The following SAMD5 variants were observed in gnomAD, a reference collection of about 807,000 sequenced individuals.
SAMD5 encodes the protein sterile alpha motif domain containing 5, also known as sterile alpha motif domain-containing protein 5.
SAMD5 carries 13 observed loss-of-function variants against 11.3 expected under a neutral mutation model. That is an observed-to-expected ratio of 1.15 (90% confidence interval 0.75 to 1.83). SAMD5 has a LOEUF of 1.83. Among genes scored for constraint, SAMD5 ranks in the 40% most tolerant of loss-of-function variants. SAMD5 has a pLI of 0.00. For synonymous variants in SAMD5, 129 were observed against 111.3 expected (o/e 1.16, Z -1.00); for missense variants, 255 against 239.1 (o/e 1.07, Z -0.44).
intron 1 of SAMD5, among the ~76,000 whole-genome samples, chr6:147,540,784 G>C (rs1013976281): frequency 4.0e-5 from 6 of 151,774 alleles, no homozygotes; most frequent in East Asian, 1.9e-4. Context: ...AGAGGGGGGG[G>C]GTCCAGAAAC....
At chr6:147,767,790 G>T in the SAMD5 span, among the ~76,000 whole-genome samples, 1 of 152,186 alleles carries the variant, frequency 6.6e-6, no homozygotes, top group South Asian at 2.1e-4. Context: ...GTGTGCTAAT[G>T]CATGAGGGGT....
the SAMD5 span, among the ~76,000 whole-genome samples, chr6:147,838,539 C>A: frequency 3.4e-5 from 5 of 145,436 alleles, no homozygotes; most frequent in South Asian, 2.3e-4. Context: ...CTGCCCCCCC[C>A]CCGTAGTTAT....
the SAMD5 span, among the ~76,000 whole-genome samples, chr6:147,931,874 T>C: frequency 3.3e-5 from 5 of 152,202 alleles, no homozygotes; most frequent in African/African-American, 1.2e-4. Flanking sequence ...GCTGTAGTGA[T>C]ATATTGCATA....
At chr6:147,816,783 G>A in the SAMD5 span, among the ~76,000 whole-genome samples, 1 of 152,164 alleles carries the variant, frequency 6.6e-6, no homozygotes, top group Non-Finnish European at 1.5e-5. Flanking sequence ...CTCCTAAGAT[G>A]AGGCTGGCTT....
At chr6:147,757,548 T>C in the SAMD5 span, among the ~76,000 whole-genome samples, 12 of 152,318 alleles carry the variant, frequency 7.9e-5, no homozygotes, top group African/African-American at 2.9e-4. Flanking sequence ...CCAAAAGTCA[T>C]TTATACATTT....
At chr6:147,592,214 G>C (rs1203260609) in intron 1 of SAMD5, among the ~76,000 whole-genome samples, 1 of 152,084 alleles carries the variant, frequency 6.6e-6, no homozygotes, top group South Asian at 2.1e-4. Context: ...GTCTCCAACT[G>C]CTAGGCTCCA....
intron 1 of SAMD5, among the ~76,000 whole-genome samples, chr6:147,687,763 T>A (rs932168343): frequency 5.3e-5 from 8 of 152,222 alleles, no homozygotes; most frequent in African/African-American, 1.9e-4. Flanking sequence ...TTTGAAGATG[T>A]AATTGAGTTG....
intron 1 of SAMD5, among the ~76,000 whole-genome samples, chr6:147,602,041 A>G (rs1428307377): frequency 6.6e-6 from 1 of 152,188 alleles, no homozygotes; most frequent in Non-Finnish European, 1.5e-5. Context: ...GCTCACATCA[A>G]ATTGCAGCAA....
At chr6:147,671,592 A>G (rs1194877305) in intron 1 of SAMD5, among the ~76,000 whole-genome samples, 1 of 152,160 alleles carries the variant, frequency 6.6e-6, no homozygotes, top group Non-Finnish European at 1.5e-5. Context: ...GCATAAGAGA[A>G]CATTGTTTCC....
intron 1 of SAMD5, among the ~76,000 whole-genome samples, chr6:147,722,272 G>A (rs900198281): frequency 6.6e-6 from 1 of 151,752 alleles, no homozygotes; most frequent in African/African-American, 2.4e-5. Flanking sequence ...GTATATAGTC[G>A]ATTTGTGTTT....
chr6:147,572,869 T>G (rs773411408), downstream of SAMD5, among the ~76,000 whole-genome samples: 1 of 152,182 alleles, frequency 6.6e-6, no homozygotes, highest in Non-Finnish European at 1.5e-5. Context: ...ATATTTGATA[T>G]AAATTTGTGA....
chr6:147,627,003 A>G (rs955987848), intron 1 of SAMD5, among the ~76,000 whole-genome samples: 25 of 152,142 alleles, frequency 1.6e-4, no homozygotes, highest in African/African-American at 6.0e-4. Flanking sequence ...ACTTTAGGTC[A>G]TATGGGAAAC....
At chr6:147,591,150 GA>G (rs11355292) in intron 1 of SAMD5, among the ~76,000 whole-genome samples, 100,437 of 149,094 alleles carry the variant, frequency 0.67, 33,743 homozygotes, top group South Asian at 0.75. Context: ...ATTTATGGGG[GA>G]AAAAAAAAAA....
At chr6:147,881,745 A>C in the SAMD5 span, among the ~76,000 whole-genome samples, 1 of 152,208 alleles carries the variant, frequency 6.6e-6, no homozygotes, top group Non-Finnish European at 1.5e-5. Flanking sequence ...CTCCTTGCGA[A>C]TTCCTCACTT....
the SAMD5 span, among the ~76,000 whole-genome samples, chr6:147,849,440 T>C: frequency 3.9e-5 from 6 of 152,280 alleles, no homozygotes; most frequent in South Asian, 2.1e-4. Context: ...AAGAAATACG[T>C]ACTTTTTTTC....
the SAMD5 span, among the ~76,000 whole-genome samples, chr6:147,792,585 C>A: frequency 2.6e-5 from 4 of 152,148 alleles, no homozygotes; most frequent in Non-Finnish European, 5.9e-5. Context: ...TCACTAGTAA[C>A]AAGCACACCT....
the SAMD5 span, among the ~76,000 whole-genome samples, chr6:147,827,703 C>A: frequency 6.6e-6 from 1 of 152,182 alleles, no homozygotes; most frequent in African/African-American, 2.4e-5. Context: ...CTCTAATGAG[C>A]TTGCATTAGA....
At chr6:147,820,006 A>G in the SAMD5 span, among the ~76,000 whole-genome samples, 1 of 152,198 alleles carries the variant, frequency 6.6e-6, no homozygotes, top group Non-Finnish European at 1.5e-5. Flanking sequence ...AGAGGACAGA[A>G]GAGACAAGGT....
the SAMD5 span, among the ~76,000 whole-genome samples, chr6:147,857,814 T>C: frequency 6.6e-6 from 1 of 152,204 alleles, no homozygotes; most frequent in African/African-American, 2.4e-5. Context: ...GGTAAAATAA[T>C]AATTTTCCAT....
Sources: allele counts gnomAD v4.1 joint callset (sites outside exome capture counted in the v4.1 genomes callset), GRCh38; gene constraint gnomAD v4.1.1; transcripts MANE v1.5; gene names NCBI Gene and HGNC (gene_info 2026-07-23, HGNC 2026-07-21).